The following SBF2 variants were observed in gnomAD, a reference collection of about 807,000 sequenced individuals.
The protein encoded by SBF2 is myotubularin-related protein 13.
SBF2 carries 112 observed loss-of-function variants against 225.2 expected under a neutral mutation model. The observed-to-expected ratio is 0.50, with a 90% confidence interval of 0.43 to 0.58. The LOEUF (loss-of-function observed/expected upper bound fraction) is 0.58, where lower values mean the gene tolerates loss of function less well. Among genes scored for constraint, SBF2 ranks in the 20% least tolerant of loss-of-function variants. The pLI, the probability that SBF2 is intolerant of heterozygous loss-of-function variation, is 0.00. For missense variants in SBF2, 1,996 were observed against 2,206.2 expected (o/e 0.90, Z 1.91); for synonymous variants, 763 against 773.3 (o/e 0.99, Z 0.22).
chr11:10,141,815 C>A (rs61878657), intron 2 of SBF2, among the ~76,000 whole-genome samples: 16,246 of 152,136 alleles, frequency 0.11, 1,029 homozygotes, highest in Non-Finnish European at 0.12. Context: ...AAAGCAGTCA[C>A]CATCAAACTT....
chr11:9,929,252 G>A, intron 16 of SBF2: 1 of 183,808 alleles, frequency 5.4e-6, no homozygotes, highest in South Asian at 1.5e-4. Flanking sequence ...TGCCTCATGA[G>A]CTGAACCAAA....
At chr11:10,269,427 G>A (rs1257705103) in intron 1 of SBF2, among the ~76,000 whole-genome samples, 1 of 152,148 alleles carries the variant, frequency 6.6e-6, no homozygotes. Context: ...ACTTTCCCTG[G>A]AACCGTAGAG....
chr11:9,880,777 C>T (rs143413110), intron 17 of SBF2, among the ~76,000 whole-genome samples: 219 of 152,334 alleles, frequency 1.4e-3, no homozygotes, highest in African/African-American at 5.1e-3. Flanking sequence ...TTTCAAATTA[C>T]TTTTCCTGTC....
chr11:9,847,878 C>CCCCTG (rs1336831789), intron 22 of SBF2, among the ~76,000 whole-genome samples: 2 of 152,132 alleles, frequency 1.3e-5, no homozygotes, highest in Non-Finnish European at 2.9e-5. Context: ...TTTGAGGGAA[C>CCCCTG]AGTCTACAGG....
chr11:10,211,725 T>A (rs1310385197), intron 1 of SBF2, among the ~76,000 whole-genome samples: 1 of 152,164 alleles, frequency 6.6e-6, no homozygotes, highest in African/African-American at 2.4e-5. Context: ...AATACTGACC[T>A]AACCATGGAG....
intron 3 of SBF2, among the ~76,000 whole-genome samples, chr11:10,033,833 G>C (rs912086799): frequency 6.6e-6 from 1 of 152,086 alleles, no homozygotes; most frequent in Admixed American, 6.6e-5. Context: ...TGTATTCTAT[G>C]TAATAATTAT....
At chr11:9,845,457 C>T (rs1856472652) in intron 24 of SBF2, 108 bp downstream of exon 24, 1 of 1,000,628 alleles carries the variant, frequency 1.0e-6, no homozygotes, top group South Asian at 1.3e-5. Flanking sequence ...AGAAACAGAA[C>T]AGTGAATGAA....
intron 2 of SBF2, among the ~76,000 whole-genome samples, chr11:10,193,394 G>A (rs544674588): frequency 1.3e-4 from 16 of 127,238 alleles, no homozygotes; most frequent in Non-Finnish European, 1.9e-4. Context: ...TTGCTCTGTC[G>A]CCCAGGCTAG....
At chr11:10,022,974 G>T (rs181091452) in intron 6 of SBF2, among the ~76,000 whole-genome samples, 73 of 152,154 alleles carry the variant, frequency 4.8e-4, no homozygotes, top group Admixed American at 7.9e-4. Flanking sequence ...AGGTTATAAC[G>T]GCACATAATA....
chr11:9,809,832 C>A (rs1854076295), intron 30 of SBF2, among the ~76,000 whole-genome samples: 1 of 152,116 alleles, frequency 6.6e-6, no homozygotes, highest in African/African-American at 2.4e-5. Flanking sequence ...AGGCGTGAAC[C>A]ACCACGCCTG....
chr11:10,055,161 C>T (rs111539778), intron 2 of SBF2, among the ~76,000 whole-genome samples: 1,625 of 152,202 alleles, frequency 0.011, 32 homozygotes, highest in African/African-American at 0.037. Flanking sequence ...CTCAGCCTCC[C>T]CAAGTGCTGA....
chr11:10,256,244 A>G (rs1437863977), intron 1 of SBF2, among the ~76,000 whole-genome samples: 1 of 151,972 alleles, frequency 6.6e-6, no homozygotes, highest in Non-Finnish European at 1.5e-5. Context: ...TAGCTTCCCA[A>G]CTCTGCCCCT....
At chr11:9,829,539 G>A in intron 27 of SBF2, 43 bp from the exon 28 acceptor site, 1 of 1,497,998 alleles carries the variant, frequency 6.7e-7, no homozygotes, top group Non-Finnish European at 9.3e-7. Context: ...CTGTCTCTGT[G>A]TTAACAAAAC....
intron 2 of SBF2, among the ~76,000 whole-genome samples, chr11:10,138,354 T>C (rs1312474042): frequency 2.6e-5 from 4 of 152,288 alleles, no homozygotes; most frequent in South Asian, 4.1e-4. Flanking sequence ...ATTTCTGATA[T>C]TGAACATTTT....
At chr11:9,826,205 G>C (rs1187549441) in intron 28 of SBF2, among the ~76,000 whole-genome samples, 3 of 152,224 alleles carry the variant, frequency 2.0e-5, no homozygotes, top group Non-Finnish European at 2.9e-5. Flanking sequence ...ATGTGAAGCA[G>C]ACAGGGATTT....
intron 2 of SBF2, among the ~76,000 whole-genome samples, chr11:10,083,237 C>G (rs1951435627): frequency 6.6e-6 from 1 of 152,094 alleles, no homozygotes; most frequent in Admixed American, 6.6e-5. Context: ...CTGTAGATGA[C>G]ACAAACAAAT....
At chr11:10,270,020 C>G (rs1458613316) in intron 1 of SBF2, among the ~76,000 whole-genome samples, 1 of 152,114 alleles carries the variant, frequency 6.6e-6, no homozygotes, top group Non-Finnish European at 1.5e-5. Context: ...CTGGCTAGAA[C>G]AATTCATCAC....
intron 17 of SBF2, among the ~76,000 whole-genome samples, chr11:9,882,544 C>T (rs1426320770): frequency 6.6e-6 from 1 of 152,270 alleles, no homozygotes; most frequent in African/African-American, 2.4e-5. Flanking sequence ...CATGGTGGCT[C>T]ATGTCTGTAA....
At chr11:9,959,664 G>A (rs1441880268) in intron 16 of SBF2, 1 of 743,344 alleles carries the variant, frequency 1.3e-6, no homozygotes, top group Non-Finnish European at 2.5e-6. Context: ...TTCACTTGCA[G>A]CGCAGTCTTG....
Sources: gnomAD v4.1 joint callset for allele counts (sites outside exome capture counted in the v4.1 genomes callset) on GRCh38, gnomAD v4.1.1 for gene constraint, MANE v1.5 for transcripts, NCBI Gene and HGNC (gene_info 2026-07-23, HGNC 2026-07-21) for gene names.